HSPA12A: variants seen among roughly 807,000 people sequenced by gnomAD.
HSPA12A encodes the protein heat shock protein family A (Hsp70) member 12A, also known as heat shock 70 kDa protein 12A.
HSPA12A carries 28 observed loss-of-function variants against 69.2 expected under a neutral mutation model. The ratio of observed to expected loss-of-function variants is 0.40; its 90% CI spans 0.30 to 0.55. The LOEUF (loss-of-function observed/expected upper bound fraction) is 0.55. Among genes scored for constraint, HSPA12A ranks in the 20% least tolerant of loss-of-function variants. The pLI, the probability that HSPA12A is intolerant of heterozygous loss-of-function variation, is 0.38. For missense variants in HSPA12A, 686 were observed against 900.7 expected (o/e 0.76, Z 3.05); for synonymous variants, 345 against 370.5 (o/e 0.93, Z 0.79).
Position 116,683,928 on chromosome 10 carries a change from A to G in HSPA12A, c.698T>C (p.Leu233Pro), listed in dbSNP as rs1280209962. The G allele has an allele frequency of 4.4e-6, 7 of 1,581,186 alleles. No individual in the cohort carries two copies. In the Admixed American group the frequency reaches 1.0e-4, roughly 23 times the overall value. Residue 233 changes from leucine (L) to proline (P), a missense_variant, in exon 7 of 12, where the codon CTC (leucine) becomes CCC (proline). Coordinates refer to ENST00000369209, the MANE Select transcript of HSPA12A (RefSeq NM_025015.3). ...TGCCTCAGGCTCCAAGGCAATGATG[A>G]GCTGCTCCGAGTTCTCGGGGGAGGC... is the stretch of plus-strand genomic sequence containing the variant. ...GLASPENSEQ[L>P]IIALEPEAAS...
At chr10:116,719,334 G>T (rs547674101) in intron 1 of HSPA12A, among the ~76,000 whole-genome samples, 94 of 152,320 alleles carry the variant, frequency 6.2e-4, no homozygotes, top group African/African-American at 2.1e-3. Context: ...TGAGTACCCT[G>T]AGAAGAGGGT....
intron 2 of HSPA12A, among the ~76,000 whole-genome samples, chr10:116,821,768 C>T (rs185829188): frequency 6.0e-4 from 91 of 152,312 alleles, no homozygotes; most frequent in Non-Finnish European, 8.1e-4. Flanking sequence ...GGGAGTGGCA[C>T]GGCAAGTCAC....
chr10:116,697,001 C>A (rs1481520411), intron 5 of HSPA12A, among the ~76,000 whole-genome samples: 1 of 152,070 alleles, frequency 6.6e-6, no homozygotes, highest in Non-Finnish European at 1.5e-5. Context: ...CCACAGTTAC[C>A]CCCTCACCAC....
chr10:116,728,106 C>T (rs1851033774), intron 1 of HSPA12A, among the ~76,000 whole-genome samples: 1 of 152,036 alleles, frequency 6.6e-6, no homozygotes, highest in African/African-American at 2.4e-5. Context: ...CCGCGCTTGG[C>T]CAATTTTTGT....
chr10:116,712,839 A>G (rs1312973401), intron 1 of HSPA12A, among the ~76,000 whole-genome samples: 1 of 151,792 alleles, frequency 6.6e-6, no homozygotes, highest in Non-Finnish European at 1.5e-5. Flanking sequence ...GAAATGTGAC[A>G]GGTGGTCTCA....
intron 1 of HSPA12A, among the ~76,000 whole-genome samples, chr10:116,721,572 C>CA (rs1850777814): frequency 6.6e-6 from 1 of 151,990 alleles, no homozygotes; most frequent in African/African-American, 2.4e-5. Context: ...TCACTAAAAA[C>CA]AAAACAAAAC....
At chr10:116,689,521 G>A (rs1554879893) in intron 6 of HSPA12A, among the ~76,000 whole-genome samples, 1 of 152,162 alleles carries the variant, frequency 6.6e-6, no homozygotes, top group East Asian at 1.9e-4. Flanking sequence ...AGCACTCGCA[G>A]AAGCTGCTAG....
rs980625102 is a variant in HSPA12A at position 116,674,836 on chromosome 10, A to G, written c.1973T>C (p.Ile658Thr). 2.5e-6 allele frequency: 4 copies of G among 1,613,392 alleles called. No homozygotes were observed. Among genetic ancestry groups the G allele is most frequent in the Admixed American group, 3.3e-5 (2 of 59,994 alleles). ...GACACTCTTCGAAGTGGCTATATCA[A>G]TGGCTGTGGCTTTGATCTCGGTGTC... ...FGDTEIKATA[I>T]DIATSKSVKV... Residue 658 changes from isoleucine (I) to threonine (T), a missense_variant, in exon 12 of 12, where the codon ATT becomes ACT. Coordinates refer to ENST00000369209, the MANE Select transcript of HSPA12A (RefSeq NM_025015.3).
chr10:116,818,338 C>T (rs191094188), intron 2 of HSPA12A, among the ~76,000 whole-genome samples: 3 of 152,094 alleles, frequency 2.0e-5, no homozygotes, highest in African/African-American at 7.2e-5. Context: ...GCCAGACCTA[C>T]CCTGTGGTGG....
chr10:116,684,556 G>A (rs1849520754), intron 6 of HSPA12A, among the ~76,000 whole-genome samples: 1 of 152,020 alleles, frequency 6.6e-6, no homozygotes, highest in African/African-American at 2.4e-5. Flanking sequence ...GAGGGTTCCT[G>A]AGATTTGCCT....
intron 1 of HSPA12A, among the ~76,000 whole-genome samples, chr10:116,735,977 C>T (rs993608373): frequency 1.3e-5 from 2 of 152,136 alleles, no homozygotes; most frequent in Non-Finnish European, 2.9e-5. Flanking sequence ...GCCTGGGTCA[C>T]AGAGGAAGAC....
Position 116,672,574 on chromosome 10 carries a change from C to A in HSPA12A, c.*2207G>T, listed in dbSNP as rs1554876903. ...TCAGCACAGATCGATGCTTAGTGAG[C>A]ACAATTAAGAAACCAAACTATGGAA... is the stretch of plus-strand genomic sequence containing the variant. On this transcript the variant is annotated 3_prime_UTR_variant, in exon 12 of 12. Coordinates refer to ENST00000369209, the MANE Select transcript of HSPA12A (RefSeq NM_025015.3). 2 of 152,384 alleles carry A rather than the reference C, an allele frequency of 1.3e-5. No individual in the cohort carries two copies. The highest frequency in any genetic ancestry group is 2.9e-5 in the Non-Finnish European group (2 of 68,014). 9.4% of individuals were successfully genotyped at this position (152,384 alleles called of 1,614,324 possible).
intron 2 of HSPA12A, among the ~76,000 whole-genome samples, chr10:116,816,605 G>A (rs1331863099): frequency 2.0e-5 from 3 of 152,168 alleles, no homozygotes; most frequent in Non-Finnish European, 2.9e-5. Context: ...AAGCTTAACC[G>A]GCGCCGTCCT....
intron 2 of HSPA12A, among the ~76,000 whole-genome samples, chr10:116,773,209 A>G (rs1158295015): frequency 1.3e-5 from 2 of 152,242 alleles, no homozygotes; most frequent in Non-Finnish European, 2.9e-5. Flanking sequence ...AGGTGGGCCC[A>G]GGCATTTCCC....
At chr10:116,708,715 C>T (rs1214201444) in intron 1 of HSPA12A, among the ~76,000 whole-genome samples, 2 of 152,056 alleles carry the variant, frequency 1.3e-5, no homozygotes, top group African/African-American at 2.4e-5. Flanking sequence ...AAATCCAACT[C>T]GCTGGGTAAA....
intron 2 of HSPA12A, among the ~76,000 whole-genome samples, chr10:116,789,773 G>A (rs1417403096): frequency 6.6e-6 from 1 of 152,170 alleles, no homozygotes; most frequent in Admixed American, 6.5e-5. Flanking sequence ...CATTTCTGAA[G>A]GGCCTAATGT....
intron 2 of HSPA12A, among the ~76,000 whole-genome samples, chr10:116,813,717 CA>C (rs34294587): frequency 2.0e-5 from 3 of 150,534 alleles, no homozygotes; most frequent in South Asian, 2.1e-4. Flanking sequence ...TCCCTCTCTA[CA>C]AAAAAAAATG....
In HSPA12A at chr10:116,813,787, G is replaced by A. The variant is rs117998048; in HGVS notation, c.91+21148C>T. On this transcript the variant is annotated intron_variant, in intron 2 of 12. Coordinates refer to the HSPA12A transcript ENST00000635765. The stretch of plus-strand genomic sequence containing the variant: ...TAGTCCCAGCTACTTGGGAGGCTGA[G>A]GTAAGGGAATCACTTGACCCCAGGA... 6.6e-5 allele frequency among the ~76,000 whole-genome samples: 10 copies of A among 152,194 alleles called. No individual in the cohort carries two copies. In the East Asian group the frequency reaches 1.8e-3, roughly 27 times the overall value.
chr10:116,684,013 C>A (rs147529688), intron 6 of HSPA12A, 51 bp from the exon 7 acceptor site: 31 of 1,458,898 alleles, frequency 2.1e-5, no homozygotes, highest in Non-Finnish European at 2.4e-5. Flanking sequence ...GGCCGGCCTG[C>A]TCCTAGGACA....
Sources: gnomAD v4.1 joint callset for allele counts (sites outside exome capture counted in the v4.1 genomes callset) on GRCh38, gnomAD v4.1.1 for gene constraint, MANE v1.5 for transcripts, NCBI Gene and HGNC (gene_info 2026-07-23, HGNC 2026-07-21) for gene names.